The following TFB1M variants were observed in gnomAD, a reference collection of about 807,000 sequenced individuals.
TFB1M encodes transcription factor B1, mitochondrial, also known as dimethyladenosine transferase 1, mitochondrial.
Under a neutral mutation model 31.1 loss-of-function variants are expected in TFB1M, and 27 were observed. That is an observed-to-expected ratio of 0.87 (90% CI 0.64 to 1.20). The LOEUF (loss-of-function observed/expected upper bound fraction) is 1.20. TFB1M is among the 50% of genes most tolerant of loss of function. The pLI is 0.00. For synonymous variants in TFB1M, 166 were observed against 151.8 expected (o/e 1.09, Z -0.69); for missense variants, 394 against 418.7 (o/e 0.94, Z 0.51).
At chr6:155,305,810 C>G (rs2114805691) in intron 2 of TFB1M, among the ~76,000 whole-genome samples, 1 of 133,634 alleles carries the variant, frequency 7.5e-6, no homozygotes, top group East Asian at 2.1e-4. Context: ...CTTGGTTTGG[C>G]AAATATTTTA....
chr6:155,303,976 T>C (rs1463013048), intron 2 of TFB1M, among the ~76,000 whole-genome samples: 1 of 152,156 alleles, frequency 6.6e-6, no homozygotes, highest in Non-Finnish European at 1.5e-5. Context: ...TCCCATGAAC[T>C]TTCCACTATG....
chr6:155,313,662 T>C (rs1462950985), intron 1 of TFB1M, among the ~76,000 whole-genome samples: 1 of 152,184 alleles, frequency 6.6e-6, no homozygotes, highest in African/African-American at 2.4e-5. Context: ...AAAAAGTAAC[T>C]TTAAACAATT....
chr6:155,278,118 A>G (rs1358689079), intron 5 of TFB1M, among the ~76,000 whole-genome samples: 1 of 152,164 alleles, frequency 6.6e-6, no homozygotes, highest in East Asian at 1.9e-4. Flanking sequence ...AATGATGTGG[A>G]GTCTCTCTAT....
the TFB1M span, among the ~76,000 whole-genome samples, chr6:155,242,559 G>A: frequency 6.6e-6 from 1 of 152,154 alleles, no homozygotes; most frequent in East Asian, 1.9e-4. Flanking sequence ...GAAAGTTCTG[G>A]GGATGCTTTG....
At chr6:155,266,433 AGAAG>A (rs1350298389) in intron 5 of TFB1M, among the ~76,000 whole-genome samples, 2 of 152,178 alleles carry the variant, frequency 1.3e-5, no homozygotes, top group Non-Finnish European at 2.9e-5. Flanking sequence ...TAAATTCACT[AGAAG>A]TGCAGCTAGA....
At chr6:155,300,953 C>T (rs924255193) in intron 2 of TFB1M, among the ~76,000 whole-genome samples, 3 of 151,748 alleles carry the variant, frequency 2.0e-5, no homozygotes, top group Non-Finnish European at 2.9e-5. Context: ...TACAGGTGTG[C>T]ACTACCACAC....
intron 5 of TFB1M, among the ~76,000 whole-genome samples, chr6:155,283,572 G>C (rs1021434244): frequency 6.6e-6 from 1 of 152,134 alleles, no homozygotes; most frequent in Non-Finnish European, 1.5e-5. Flanking sequence ...AGATAAAGTG[G>C]ATAATAACTT....
intron 4 of TFB1M, among the ~76,000 whole-genome samples, chr6:155,292,258 A>G (rs1776960076): frequency 6.6e-6 from 1 of 152,134 alleles, no homozygotes; most frequent in Non-Finnish European, 1.5e-5. Flanking sequence ...AAACGCACAC[A>G]CGCGGTGCTC....
At chr6:155,261,909 G>C (rs1157206614) in intron 5 of TFB1M, among the ~76,000 whole-genome samples, 1 of 152,192 alleles carries the variant, frequency 6.6e-6, no homozygotes, top group African/African-American at 2.4e-5. Context: ...TGGTGGAACA[G>C]TAGTTATGAA....
chr6:155,287,928 T>C (rs949531348), intron 4 of TFB1M, among the ~76,000 whole-genome samples: 1 of 152,094 alleles, frequency 6.6e-6, no homozygotes, highest in African/African-American at 2.4e-5. Context: ...TGGGGCTAGG[T>C]AGGCAGGCAG....
At chr6:155,232,475 C>T in the TFB1M span, 1 of 152,224 alleles carries the variant, frequency 6.6e-6, no homozygotes, top group Non-Finnish European at 1.5e-5. Context: ...GCTTGACTTT[C>T]CTTAAGGATA....
the TFB1M span, among the ~76,000 whole-genome samples, chr6:155,235,429 A>G: frequency 6.6e-6 from 1 of 152,170 alleles, no homozygotes; most frequent in Non-Finnish European, 1.5e-5. Flanking sequence ...GCCTATCACC[A>G]TATATGCATG....
intron 6 of TFB1M, among the ~76,000 whole-genome samples, chr6:155,259,625 C>T (rs1333405636): frequency 1.3e-5 from 2 of 152,248 alleles, no homozygotes; most frequent in Admixed American, 6.5e-5. Flanking sequence ...GATAGATTAT[C>T]GTAGATGGAA....
chr6:155,251,528 C>A (rs1295664934), downstream of TFB1M, among the ~76,000 whole-genome samples: 1 of 152,116 alleles, frequency 6.6e-6, no homozygotes, highest in East Asian at 1.9e-4. Flanking sequence ...CTCAGGTGAT[C>A]CACCTGCCTC....
chr6:155,249,591 AGTT>A, the TFB1M span, among the ~76,000 whole-genome samples: 2 of 152,216 alleles, frequency 1.3e-5, no homozygotes, highest in African/African-American at 4.8e-5. Context: ...CAGAAATGTC[AGTT>A]GTTGTTATTA....
intron 5 of TFB1M, among the ~76,000 whole-genome samples, chr6:155,283,820 A>T (rs1250362449): frequency 6.6e-6 from 1 of 152,252 alleles, no homozygotes; most frequent in Non-Finnish European, 1.5e-5. Flanking sequence ...TGACAAGAAG[A>T]AATCAAGCTA....
intron 5 of TFB1M, among the ~76,000 whole-genome samples, chr6:155,265,365 G>A (rs1784582010): frequency 6.6e-6 from 1 of 152,170 alleles, no homozygotes; most frequent in African/African-American, 2.4e-5. Context: ...TTAAAAGACT[G>A]AGAAATAGAA....
the TFB1M span, among the ~76,000 whole-genome samples, chr6:155,236,003 C>A: frequency 1.1e-3 from 166 of 152,184 alleles, no homozygotes; most frequent in African/African-American, 3.9e-3. Context: ...AATATAGATT[C>A]TATAGCCCTG....
the TFB1M span, among the ~76,000 whole-genome samples, chr6:155,236,017 A>G: frequency 6.6e-6 from 1 of 152,072 alleles, no homozygotes; most frequent in African/African-American, 2.4e-5. Context: ...AGCCCTGGGA[A>G]CTGTTAGTTT....
Sources: allele counts gnomAD v4.1 joint callset (sites outside exome capture counted in the v4.1 genomes callset), GRCh38; gene constraint gnomAD v4.1.1; transcripts MANE v1.5; gene names NCBI Gene and HGNC (gene_info 2026-07-23, HGNC 2026-07-21).